Variants in LNP1 observed in about 807,000 individuals in gnomAD.
The protein encoded by LNP1 is leukemia NUP98 fusion partner 1.
A neutral mutation model predicts 14.5 loss-of-function variants in LNP1; 12 were observed. The observed-to-expected ratio is 0.83, with a 90% CI of 0.53 to 1.34. LNP1 has a LOEUF of 1.34. Ranked by LOEUF, LNP1 falls within the 40% of genes most tolerant of loss-of-function variation. The pLI, the probability that LNP1 is intolerant of heterozygous loss-of-function variation, is 0.00. For missense variants in LNP1, 198 were observed against 210.9 expected, an observed-to-expected ratio of 0.94 and a Z score of 0.38; for synonymous variants, 75 against 71.4, an observed-to-expected ratio of 1.05 and a Z score of -0.26.
At chr3:100,420,045 ACT>A (rs2148901220) in intron 1 of LNP1, among the ~76,000 whole-genome samples, 1 of 152,082 alleles carries the variant, frequency 6.6e-6, no homozygotes, top group African/African-American at 2.4e-5. Flanking sequence ...TGGTGTTAAT[ACT>A]CTTTTTAAAT....
chr3:100,414,184 C>A (rs1240745362), intron 1 of LNP1, among the ~76,000 whole-genome samples: 3 of 152,112 alleles, frequency 2.0e-5, no homozygotes, highest in Non-Finnish European at 4.4e-5. Context: ...GTAATATCAA[C>A]AGAGATTACT....
At chr3:100,409,604 A>G (rs868653749) in intron 1 of LNP1, among the ~76,000 whole-genome samples, 43 of 87,626 alleles carry the variant, frequency 4.9e-4, no homozygotes, top group East Asian at 2.5e-3. Flanking sequence ...ATATATATAT[A>G]TATTTTTTTT....
chr3:100,444,096 C>G (rs1707367677), intron 2 of LNP1, among the ~76,000 whole-genome samples: 1 of 152,182 alleles, frequency 6.6e-6, no homozygotes, highest in South Asian at 2.1e-4. Flanking sequence ...CATTTCAGCT[C>G]TCCATGAGTC....
At chr3:100,414,783 C>A (rs773639931) in intron 1 of LNP1, among the ~76,000 whole-genome samples, 1 of 152,130 alleles carries the variant, frequency 6.6e-6, no homozygotes, top group Non-Finnish European at 1.5e-5. Context: ...CTGAATTCTT[C>A]CAATGATGGG....
At chr3:100,445,652 G>A (rs913185062) in intron 2 of LNP1, among the ~76,000 whole-genome samples, 1 of 152,000 alleles carries the variant, frequency 6.6e-6, no homozygotes, top group Non-Finnish European at 1.5e-5. Context: ...TATGACAACT[G>A]GATCATATCA....
chr3:100,431,615 T>A (rs1300231941), intron 2 of LNP1, among the ~76,000 whole-genome samples: 1 of 152,092 alleles, frequency 6.6e-6, no homozygotes, highest in African/African-American at 2.4e-5. Flanking sequence ...GGAGTCTAAT[T>A]CTTCATTCTT....
rs761853159 is a variant in LNP1 at position 100,431,828 on chromosome 3, C to CAA, written c.156+1962_156+1963dup. 9.8e-3 allele frequency among the ~76,000 whole-genome samples: 642 copies of CAA among 65,270 alleles called. 20 individuals are homozygous for CAA. The highest frequency in any genetic ancestry group is 0.033 in the African/African-American group (598 of 18,300). 42.8% of individuals were successfully genotyped at this position (65,270 alleles called of 152,430 possible). A position where few individuals can be genotyped will look rare whatever the true frequency, so the allele number is the denominator to read the frequency against. On this transcript the variant is annotated intron_variant, in intron 2 of 3. Coordinates refer to ENST00000383693, the MANE Select transcript of LNP1 (RefSeq NM_001085451.2). ...GGCAACATAGTGAGACTCCGTCTCT[C>CAA]AAAAAAAAAAAAAAAAAAAATAGCA...
rs1247386314 is a variant in LNP1 at position 100,429,723 on chromosome 3, C to A, written c.-7C>A. 1.2e-6 allele frequency: 2 copies of A among 1,613,204 alleles called. No individual in the cohort carries two copies. The highest frequency in any genetic ancestry group is 1.3e-5 in the African/African-American group (1 of 74,860). On this transcript the variant is annotated 5_prime_UTR_variant, in exon 2 of 4. Coordinates refer to ENST00000383693, the MANE Select transcript of LNP1 (RefSeq NM_001085451.2). ...GACAGGCCTTCAGTATTTGGCATCA[C>A]CTTTACATGGAGCACAAAGATGATG... is the stretch of plus-strand genomic sequence containing the variant.
intron 3 of LNP1, 90 bp from the exon 4 acceptor site, chr3:100,455,687 G>C: frequency 8.0e-7 from 1 of 1,255,748 alleles, no homozygotes; most frequent in Non-Finnish European, 1.1e-6. Context: ...TAAACCATCA[G>C]GGCTTTCTCC....
intron 1 of LNP1, among the ~76,000 whole-genome samples, chr3:100,406,678 G>GCA (rs1706970298): frequency 6.6e-6 from 1 of 152,058 alleles, no homozygotes; most frequent in Non-Finnish European, 1.5e-5. Flanking sequence ...GGAATTACAG[G>GCA]TGCCCGCCAC....
chr3:100,444,672 A>G (rs897064616), intron 2 of LNP1, among the ~76,000 whole-genome samples: 1 of 152,358 alleles, frequency 6.6e-6, no homozygotes, highest in East Asian at 1.9e-4. Context: ...CATTTAACCA[A>G]AGTAATAACT....
At chr3:100,421,765 A>G (rs1707145434) in intron 1 of LNP1, among the ~76,000 whole-genome samples, 1 of 152,242 alleles carries the variant, frequency 6.6e-6, no homozygotes, top group Non-Finnish European at 1.5e-5. Context: ...ATCTTGCCAT[A>G]TACCTTTCCA....
chr3:100,450,623 C>T (rs1707428845), intron 2 of LNP1, among the ~76,000 whole-genome samples: 1 of 152,130 alleles, frequency 6.6e-6, no homozygotes, highest in Admixed American at 6.6e-5. Flanking sequence ...AGGCATGAGC[C>T]ACCACGCCTG....
At chr3:100,409,279 C>T (rs1559839118) in intron 1 of LNP1, among the ~76,000 whole-genome samples, 1 of 151,930 alleles carries the variant, frequency 6.6e-6, no homozygotes, top group African/African-American at 2.4e-5. Context: ...GACTTTCAGA[C>T]TGAAAAGATA....
At chr3:100,413,553 A>G (rs1707050462) in intron 1 of LNP1, among the ~76,000 whole-genome samples, 1 of 152,180 alleles carries the variant, frequency 6.6e-6, no homozygotes, top group African/African-American at 2.4e-5. Flanking sequence ...AGATCTTTCC[A>G]TCTTCATCAG....
chr3:100,449,808 ATTTTAG>A, intron 2 of LNP1, among the ~76,000 whole-genome samples: 1 of 152,308 alleles, frequency 6.6e-6, no homozygotes, highest in African/African-American at 2.4e-5. Context: ...TTATTACCAT[ATTTTAG>A]TTAGGAAAAA....
At chr3:100,443,106 T>C (rs1355212511) in intron 2 of LNP1, among the ~76,000 whole-genome samples, 1 of 152,206 alleles carries the variant, frequency 6.6e-6, no homozygotes, top group African/African-American at 2.4e-5. Flanking sequence ...TTAAGTTGTC[T>C]AGCTTCAGTT....
At position 100,445,549 on chromosome 3, in the gene LNP1, A is replaced by G. The variant is rs1230437755; in HGVS notation, c.157-6170A>G. On this transcript the variant is annotated intron_variant, in intron 2 of 3. Coordinates refer to ENST00000383693, the MANE Select transcript of LNP1 (RefSeq NM_001085451.2). ...TGTAACTCAATGTCACAAGTATTTA[A>G]AAGTGTATACAGAGAGATACACGAT... 2.6e-5 allele frequency among the ~76,000 whole-genome samples: 4 copies of G among 152,208 alleles called. No individual in the cohort carries two copies. In the East Asian group the frequency reaches 5.8e-4, roughly 22 times the overall value.
At chr3:100,437,424 G>A (rs1310865698) in intron 2 of LNP1, among the ~76,000 whole-genome samples, 1 of 152,118 alleles carries the variant, frequency 6.6e-6, no homozygotes, top group East Asian at 1.9e-4. Flanking sequence ...CATTGATTTA[G>A]TGTGTAATAG....
Sources: gnomAD v4.1 joint callset for allele counts (sites outside exome capture counted in the v4.1 genomes callset) on GRCh38, gnomAD v4.1.1 for gene constraint, MANE v1.5 for transcripts, NCBI Gene and HGNC (gene_info 2026-07-23, HGNC 2026-07-21) for gene names.